Variants in LSAMP observed in about 807,000 individuals in gnomAD.
LSAMP encodes limbic system-associated membrane protein.
LSAMP carries 7 observed loss-of-function variants against 38.6 expected under a neutral mutation model. That is an observed-to-expected ratio of 0.18 (90% CI 0.10 to 0.34). LSAMP has a LOEUF of 0.34. Among genes scored for constraint, LSAMP ranks in the 10% least tolerant of loss-of-function variants. The pLI is 1.00. For missense variants in LSAMP, 313 were observed against 420.0 expected, an observed-to-expected ratio of 0.75 and a Z score of 2.23; for synonymous variants, 154 against 166.8, an observed-to-expected ratio of 0.92 and a Z score of 0.59.
chr3:116,405,724 G>T (rs941258011), intron 1 of LSAMP, among the ~76,000 whole-genome samples: 5 of 152,060 alleles, frequency 3.3e-5, no homozygotes, highest in African/African-American at 1.2e-4. Context: ...CTCATTAGAG[G>T]TGCAATTGAT....
intron 4 of LSAMP, among the ~76,000 whole-genome samples, chr3:115,851,067 G>A (rs1318462313): frequency 6.6e-6 from 1 of 152,124 alleles, no homozygotes; most frequent in Non-Finnish European, 1.5e-5. Context: ...TCCACCTTCT[G>A]GGTTCAAGTG....
At chr3:116,122,477 A>G (rs1708906114) in intron 1 of LSAMP, among the ~76,000 whole-genome samples, 1 of 152,200 alleles carries the variant, frequency 6.6e-6, no homozygotes, top group African/African-American at 2.4e-5. Flanking sequence ...AAGAGACCCC[A>G]TCACTCTATC....
chr3:116,102,054 T>C (rs1174224628), intron 1 of LSAMP, among the ~76,000 whole-genome samples: 3 of 152,180 alleles, frequency 2.0e-5, no homozygotes, highest in African/African-American at 7.2e-5. Context: ...CTTTCTCTAC[T>C]TCATTTCACT....
chr3:116,034,813 A>G (rs1265800976), intron 2 of LSAMP, among the ~76,000 whole-genome samples: 4 of 152,156 alleles, frequency 2.6e-5, no homozygotes, highest in Non-Finnish European at 5.9e-5. Context: ...GCCTCTTTCC[A>G]TGTTATGAAA....
At chr3:116,108,022 C>T (rs890579223) in intron 1 of LSAMP, among the ~76,000 whole-genome samples, 1 of 152,068 alleles carries the variant, frequency 6.6e-6, no homozygotes, top group African/African-American at 2.4e-5. Flanking sequence ...CGAGTGATAA[C>T]AGGCTTTAAT....
chr3:116,422,374 A>G (rs1271942248), intron 1 of LSAMP, among the ~76,000 whole-genome samples: 1 of 152,270 alleles, frequency 6.6e-6, no homozygotes, highest in Admixed American at 6.5e-5. Context: ...AATTATTTAC[A>G]TAACATTTAC....
chr3:116,376,597 T>G (rs2048497033), intron 1 of LSAMP, among the ~76,000 whole-genome samples: 1 of 152,052 alleles, frequency 6.6e-6, no homozygotes, highest in African/African-American at 2.4e-5. Flanking sequence ...AGCATTTTTT[T>G]CTTAGTGCAG....
chr3:116,203,575 G>A (rs1280118397), intron 1 of LSAMP, among the ~76,000 whole-genome samples: 4 of 118,016 alleles, frequency 3.4e-5, no homozygotes, highest in Non-Finnish European at 6.5e-5. Flanking sequence ...ACAGTCCCCA[G>A]AGTGTGATAT....
At chr3:116,302,057 T>C (rs2047416992) in intron 1 of LSAMP, among the ~76,000 whole-genome samples, 1 of 152,134 alleles carries the variant, frequency 6.6e-6, no homozygotes, top group African/African-American at 2.4e-5. Flanking sequence ...CAATACTCAT[T>C]TACTGTAGAG....
intron 2 of LSAMP, among the ~76,000 whole-genome samples, chr3:116,075,149 T>TTTG (rs1707709389): frequency 6.7e-6 from 1 of 149,498 alleles, no homozygotes; most frequent in African/African-American, 2.5e-5. Context: ...TTTTTTTTTT[T>TTTG]TTTTTTGAGA....
intron 1 of LSAMP, among the ~76,000 whole-genome samples, chr3:116,133,251 C>CT (rs370026463): frequency 6.0e-5 from 9 of 149,552 alleles, no homozygotes; most frequent in East Asian, 2.0e-4. Flanking sequence ...CTTTTTTTTC[C>CT]TTTTTTTTTT....
In LSAMP at chr3:116,146,055, C is replaced by T. The variant is rs183297240; in HGVS notation, c.156-59499G>A. On this transcript the variant is annotated intron_variant, in intron 1 of 6. Coordinates refer to ENST00000490035, the MANE Select transcript of LSAMP (RefSeq NM_002338.5). ...TCAATTTCACACAAGAATTTTTTTT[C>T]CCACTGAGGCCTGGCTAGGTGGCAA... Among the ~76,000 whole-genome samples, 106 of 151,752 alleles carry T rather than the reference C, an allele frequency of 7.0e-4. 1 individual carries two copies. Among genetic ancestry groups the T allele is most frequent in the Middle Eastern group, 6.8e-3 (2 of 294 alleles).
At chr3:116,390,132 T>TACACACACACACACAC (rs10661312) in intron 1 of LSAMP, among the ~76,000 whole-genome samples, 1 of 147,262 alleles carries the variant, frequency 6.8e-6, no homozygotes, top group African/African-American at 2.5e-5. Context: ...TATGTATGTA[T>TACACACACACACACAC]ACACACACAC....
rs147152802 is a variant in LSAMP at position 115,826,100 on chromosome 3, C to CTTTTATTTTTATTTTTATTTTTAT, written c.920-15710_920-15687dup. Among the ~76,000 whole-genome samples, 5 of 149,020 alleles carry CTTTTATTTTTATTTTTATTTTTAT rather than the reference C, an allele frequency of 3.4e-5. 1 individual carries two copies. Among genetic ancestry groups the CTTTTATTTTTATTTTTATTTTTAT allele is most frequent in the African/African-American group, 1.3e-4 (5 of 39,496 alleles). ...CTTCCCCTGCTTCTTCTCTTTCTGT[C>CTTTTATTTTTATTTTTATTTTTAT]TTTTATTTTTATTTTTATTTTTATT... On this transcript the variant is annotated intron_variant, in intron 6 of 6. Coordinates refer to ENST00000490035, the MANE Select transcript of LSAMP (RefSeq NM_002338.5).
intron 3 of LSAMP, among the ~76,000 whole-genome samples, chr3:115,992,574 C>A (rs904387466): frequency 4.6e-5 from 7 of 151,718 alleles, no homozygotes; most frequent in Non-Finnish European, 5.9e-5. Context: ...TCATAAGATG[C>A]AAATAAACAT....
intron 3 of LSAMP, among the ~76,000 whole-genome samples, chr3:115,997,718 A>T (rs1299392274): frequency 2.6e-5 from 1 of 38,394 alleles, no homozygotes; most frequent in Non-Finnish European, 5.1e-5. Context: ...TTTGGGATAT[A>T]TATATATATA....
intron 1 of LSAMP, among the ~76,000 whole-genome samples, chr3:116,230,288 C>T (rs779744125): frequency 3.3e-5 from 5 of 151,740 alleles, no homozygotes; most frequent in South Asian, 2.1e-4. Context: ...AAATACTCAA[C>T]GTTGGGCAGT....
chr3:116,402,600 G>A (rs2048853221), intron 1 of LSAMP, among the ~76,000 whole-genome samples: 1 of 152,048 alleles, frequency 6.6e-6, no homozygotes, highest in South Asian at 2.1e-4. Context: ...CATTAAATAA[G>A]GTTAAGGCTG....
chr3:116,194,202 C>A (rs186392980), intron 1 of LSAMP, among the ~76,000 whole-genome samples: 7 of 152,024 alleles, frequency 4.6e-5, no homozygotes, highest in African/African-American at 1.7e-4. Flanking sequence ...ATATAGGAAG[C>A]TGAAGATGGA....
Sources: gnomAD v4.1 joint callset for allele counts (sites outside exome capture counted in the v4.1 genomes callset) on GRCh38, gnomAD v4.1.1 for gene constraint, MANE v1.5 for transcripts, NCBI Gene and HGNC (gene_info 2026-07-23, HGNC 2026-07-21) for gene names.